PTER: variants seen among roughly 807,000 people sequenced by gnomAD.
PTER encodes the protein phosphotriesterase related.
A neutral mutation model predicts 29.6 loss-of-function variants in PTER; 38 were observed. The ratio of observed to expected loss-of-function variants is 1.28; its 90% CI spans 0.99 to 1.68. The LOEUF (loss-of-function observed/expected upper bound fraction) is 1.68. PTER is among the 40% of genes most tolerant of loss of function. The pLI, the probability that PTER is intolerant of heterozygous loss-of-function variation, is 0.00. For missense variants in PTER, 482 were observed against 427.8 expected, an observed-to-expected ratio of 1.13 and a Z score of -1.12; for synonymous variants, 172 against 154.5, an observed-to-expected ratio of 1.11 and a Z score of -0.84.
At chr10:16,452,027 C>CT (rs765561477) in intron 1 of PTER, among the ~76,000 whole-genome samples, 13 of 152,110 alleles carry the variant, frequency 8.5e-5, no homozygotes, top group Non-Finnish European at 1.5e-4. Context: ...AACCAATCCA[C>CT]TTTTTTTACT....
Position 16,511,065 on chromosome 10 carries a change from G to T in PTER, c.859G>T (p.Glu287Ter). 1 of 1,613,566 alleles carries T rather than the reference G, an allele frequency of 6.2e-7. No homozygotes were observed. The highest frequency in any genetic ancestry group is 8.5e-7 in the Non-Finnish European group (1 of 1,179,722). The change falls in exon 5 of 5, where the codon GAG becomes TAG. Residue 287 changes from glutamate (E) to a stop codon, truncating the protein, a stop_gained. Coordinates refer to ENST00000535784, the MANE Select transcript of PTER (RefSeq NM_001261836.2). LOFTEE classifies it high-confidence loss of function. ...RIRRVRLLVE[E>*]GCEDRILVAH... ...TCACAGGGTGCGTCTCCTGGTGGAA[G>T]AGGGCTGTGAAGATCGAATTCTGGT...
chr10:16,487,166 A>G (rs1835734458), intron 3 of PTER, among the ~76,000 whole-genome samples: 1 of 152,252 alleles, frequency 6.6e-6, no homozygotes, highest in Non-Finnish European at 1.5e-5. Flanking sequence ...GGGTAGTATC[A>G]TGCATTAGTT....
rs183878997 is a variant in PTER, at chr10:16,471,614, T to C, written c.-48-12723T>C. ...AAATACTTAAACTAGTTTTGTGTTT[T>C]GCTTTTTCAGGTAATAAGAGCATTT... On this transcript the variant is annotated intron_variant, in intron 1 of 4. Transcript: ENST00000535784. Among the ~76,000 whole-genome samples, 648 of 152,358 alleles carry C rather than the reference T, an allele frequency of 4.3e-3. 3 individuals carry two copies. Among genetic ancestry groups the C allele is most frequent in the Middle Eastern group, 0.01 (3 of 294 alleles).
chr10:16,486,320 T>C, intron 2 of PTER, 32 bp from the exon 3 acceptor site: 1 of 1,575,638 alleles, frequency 6.3e-7, no homozygotes, highest in Non-Finnish European at 8.6e-7. Flanking sequence ...TTTCACAACC[T>C]ATAAAATATA....
At chr10:16,451,706 C>T (rs1194780439) in intron 1 of PTER, among the ~76,000 whole-genome samples, 2 of 152,000 alleles carry the variant, frequency 1.3e-5, no homozygotes, top group African/African-American at 4.8e-5. Flanking sequence ...AGTGAGACTC[C>T]ATCTCAAAAG....
intron 1 of PTER, among the ~76,000 whole-genome samples, chr10:16,440,515 A>G (rs933771415): frequency 6.6e-6 from 1 of 152,212 alleles, no homozygotes; most frequent in African/African-American, 2.4e-5. Context: ...CCTGAGTACA[A>G]ATACCTCTGT....
chr10:16,458,225 C>CT (rs200637234), intron 1 of PTER, among the ~76,000 whole-genome samples: 7,659 of 147,008 alleles, frequency 0.052, 280 homozygotes, highest in East Asian at 0.18. Flanking sequence ...CTGCCCAGCA[C>CT]TTTTTTTTTT....
intron 4 of PTER, among the ~76,000 whole-genome samples, chr10:16,509,249 G>C (rs774562642): frequency 6.6e-6 from 1 of 152,088 alleles, no homozygotes; most frequent in African/African-American, 2.4e-5. Context: ...TTTCTTCATA[G>C]TCAGGATATG....
At chr10:16,471,833 G>A (rs1835066113) in intron 1 of PTER, among the ~76,000 whole-genome samples, 1 of 152,168 alleles carries the variant, frequency 6.6e-6, no homozygotes, top group Non-Finnish European at 1.5e-5. Flanking sequence ...GACTCTTTGA[G>A]TATAAATCTT....
intron 4 of PTER, among the ~76,000 whole-genome samples, chr10:16,509,791 G>C (rs535796441): frequency 6.6e-6 from 1 of 152,260 alleles, no homozygotes; most frequent in Admixed American, 6.5e-5. Flanking sequence ...GTCATTACAT[G>C]CACTTATAGG....
intron 1 of PTER, among the ~76,000 whole-genome samples, chr10:16,469,903 T>G (rs965567083): frequency 1.1e-4 from 8 of 73,502 alleles, no homozygotes; most frequent in Middle Eastern, 6.6e-3. Flanking sequence ...GTTTTTTTGT[T>G]TTTTTTTTTA....
In PTER at chr10:16,447,499, T is replaced by C. The variant is rs201836775; in HGVS notation, c.-49+10452T>C. Reference sequence around the variant, plus strand: ...CACTTCTCTGTTTTTATTTTTGTGTTAGTAATAACTTGGTCAAAATAGGTT... The same window carrying C: ...CACTTCTCTGTTTTTATTTTTGTGTCAGTAATAACTTGGTCAAAATAGGTT... On this transcript the variant is annotated intron_variant, in intron 1 of 4. Coordinates refer to ENST00000535784, the MANE Select transcript of PTER (RefSeq NM_001261836.2). Among the ~76,000 whole-genome samples, 8 of 152,222 alleles carry C rather than the reference T, an allele frequency of 5.3e-5. No homozygotes were observed. The East Asian group carries it at 1.5e-3, about 29-fold the overall frequency.
At chr10:16,454,739 A>G (rs1834333152) in intron 1 of PTER, among the ~76,000 whole-genome samples, 1 of 152,210 alleles carries the variant, frequency 6.6e-6, no homozygotes, top group Admixed American at 6.5e-5. Flanking sequence ...GTACATTTAA[A>G]CATTCCAAGT....
At chr10:16,443,055 C>A (rs545902812) in intron 1 of PTER, among the ~76,000 whole-genome samples, 10 of 152,124 alleles carry the variant, frequency 6.6e-5, no homozygotes, top group Non-Finnish European at 1.5e-4. Context: ...ATTAGATGAC[C>A]TTGATTACTC....
At chr10:16,461,004 A>G (rs1564390266) in intron 1 of PTER, among the ~76,000 whole-genome samples, 1 of 152,230 alleles carries the variant, frequency 6.6e-6, no homozygotes, top group Non-Finnish European at 1.5e-5. Context: ...GGCATGAGCC[A>G]CCGCACCTGG....
chr10:16,507,769 TTCTG>T (rs1836632654), intron 4 of PTER, among the ~76,000 whole-genome samples: 1 of 152,252 alleles, frequency 6.6e-6, no homozygotes, highest in Non-Finnish European at 1.5e-5. Flanking sequence ...ACCAATGAAG[TTCTG>T]TCTTTTAATA....
intron 1 of PTER, among the ~76,000 whole-genome samples, chr10:16,469,514 A>AAG (rs10645239): frequency 0.18 from 27,723 of 151,984 alleles, 4,178 homozygotes; most frequent in African/African-American, 0.41. Context: ...TGAAGGGGAA[A>AAG]AGGAATCAAA....
In PTER at chr10:16,505,140, T is replaced by C. The variant is rs1836512792; in HGVS notation, c.819T>C (p.Asp273=). ...YQLGPDIDMP[D]DNKRIRRVRL... is the part of the protein sequence containing the mutation. ...TCGGCCCAGATATTGACATGCCTGA[T>C]GATAACAAAAGAATTAGAAGGTAAA... The change falls in exon 4 of 5, where the codon GAT becomes GAC. Residue 273 remains aspartate, a synonymous_variant. Transcript: ENST00000535784. 1.2e-6 allele frequency: 2 copies of C among 1,613,998 alleles called. No individual in the cohort carries two copies. The highest frequency in any genetic ancestry group is 1.7e-6 in the Non-Finnish European group (2 of 1,179,914).
chr10:16,437,334 CTTTTTTT>C (rs67176246), intron 1 of PTER: 48,125 of 138,736 alleles, frequency 0.35, 8,698 homozygotes, highest in African/African-American at 0.5. Context: ...CTTTAATAAG[CTTTTTTT>C]TTTTTTTTTT....
Sources: allele counts gnomAD v4.1 joint callset (sites outside exome capture counted in the v4.1 genomes callset), GRCh38; gene constraint gnomAD v4.1.1; transcripts MANE v1.5; gene names NCBI Gene and HGNC (gene_info 2026-07-23, HGNC 2026-07-21).